Variants in KMT2E observed in about 807,000 individuals in gnomAD.
KMT2E encodes the protein lysine methyltransferase 2E (inactive).
Under a neutral mutation model 184.6 loss-of-function variants are expected in KMT2E, and 30 were observed. The observed-to-expected ratio is 0.16, with a 90% CI of 0.12 to 0.22. The LOEUF (loss-of-function observed/expected upper bound fraction) is 0.22, where lower values mean the gene tolerates loss of function less well. Ranked by LOEUF, KMT2E falls within the 10% of genes least tolerant of loss-of-function variation. KMT2E has a pLI of 1.00. For missense variants in KMT2E, 2,023 were observed against 2,237.4 expected, an observed-to-expected ratio of 0.90 and a Z score of 1.93; for synonymous variants, 815 against 776.5, an observed-to-expected ratio of 1.05 and a Z score of -0.82.
chr7:105,015,540 A>T (rs751881263), intron 1 of KMT2E, among the ~76,000 whole-genome samples: 12 of 152,224 alleles, frequency 7.9e-5, no homozygotes, highest in Admixed American at 2.0e-4. Flanking sequence ...GAGAGAATTA[A>T]GTGAGGTGCA....
intron 17 of KMT2E, chr7:105,105,200 A>G: frequency 2.8e-6 from 1 of 356,508 alleles, no homozygotes; most frequent in East Asian, 5.0e-5. Flanking sequence ...TGTAATATAA[A>G]TATTTAAAAA....
At chr7:105,059,713 A>G (rs180739729) in intron 3 of KMT2E, among the ~76,000 whole-genome samples, 3 of 152,288 alleles carry the variant, frequency 2.0e-5, no homozygotes, top group South Asian at 2.1e-4. Context: ...ATGAATACAT[A>G]TATTTTCGGA....
chr7:105,020,107 CAAA>C (rs779473152), intron 1 of KMT2E, among the ~76,000 whole-genome samples: 8 of 63,384 alleles, frequency 1.3e-4, no homozygotes, highest in South Asian at 5.0e-4. Flanking sequence ...GACTCTGTCT[CAAA>C]AAAAAAAAAA....
Position 105,051,103 on chromosome 7 carries a change from TC to T in KMT2E, c.71+10081del, listed in dbSNP as rs890654633. 1.1e-4 allele frequency among the ~76,000 whole-genome samples: 17 copies of T among 151,184 alleles called. No homozygotes were observed. In the South Asian group the frequency reaches 1.5e-3, roughly 13 times the overall value. ...CTTCTTTCTTTCTTTTTTCTCTCTC[TC>T]TCTCTTTCTTCCTTTCCTCCTTTCC... On this transcript the variant is annotated intron_variant, in intron 3 of 26. Coordinates refer to ENST00000311117, the MANE Select transcript of KMT2E (RefSeq NM_182931.3).
chr7:105,102,253 T>A lies in KMT2E; in HGVS notation c.2196+59T>A, dbSNP rs1798687092. 15 of 1,440,206 alleles carry A rather than the reference T, an allele frequency of 1.0e-5. No homozygotes were observed. The South Asian group carries it at 2.0e-4, about 19-fold the overall frequency. 89.2% of individuals were successfully genotyped at this position (1,440,206 alleles called of 1,614,324 possible). A position where few individuals can be genotyped will look rare whatever the true frequency, so the allele number is the denominator to read the frequency against. On this transcript the variant is annotated intron_variant, in intron 17 of 26. Transcript: ENST00000311117. ...TAACAGTTTCTTATATTAATTATAT[T>A]GTTGTTTTAAAAATTGGATTTTTAA... is the stretch of plus-strand genomic sequence containing the variant.
intron 22 of KMT2E, among the ~76,000 whole-genome samples, chr7:105,108,371 A>G (rs1488166354): frequency 6.6e-6 from 1 of 152,204 alleles, no homozygotes; most frequent in African/African-American, 2.4e-5. Context: ...CTAATAGTTA[A>G]TGTATTAAAT....
At position 105,077,065 on chromosome 7, in the gene KMT2E, C is replaced by G. The variant is rs201187955; in HGVS notation, c.871C>G (p.Gln291Glu). The G allele has an allele frequency of 1.7e-5, 28 of 1,613,636 alleles. No homozygotes were observed. The highest frequency in any genetic ancestry group is 1.6e-4 in the Middle Eastern group (1 of 6,084). The change falls in exon 10 of 27, where the codon CAG (glutamine) becomes GAG (glutamate). Residue 291 changes from glutamine (Q) to glutamate (E), a missense_variant. By Grantham distance (29) the Gln-to-Glu change is conservative. Transcript: ENST00000311117. ...MDRYEEANNNQYSEGVQREAQ... is the reference protein window; with the variant it reads ...MDRYEEANNNEYSEGVQREAQ... The stretch of plus-strand genomic sequence containing the variant: ...TCGATATGAAGAAGCAAATAACAAC[C>G]AGTACAGTGAGGGTGTTCAGAGGGA...
chr7:105,066,912 C>T, intron 6 of KMT2E, 105 bp downstream of exon 6: 2 of 854,090 alleles, frequency 2.3e-6, no homozygotes, highest in Admixed American at 3.8e-5. Flanking sequence ...TGAATCACAG[C>T]CGGGCATGGT....
intron 3 of KMT2E, among the ~76,000 whole-genome samples, chr7:105,050,267 C>T (rs1476211927): frequency 6.6e-6 from 1 of 152,018 alleles, no homozygotes; most frequent in Non-Finnish European, 1.5e-5. Context: ...AATAATCATC[C>T]CTTCTCTTTC....
In KMT2E at chr7:105,106,626, A is replaced by T. The variant is rs200234811; in HGVS notation, c.2701A>T (p.Thr901Ser). ...TTCCCCGTATGCTACACCAACTCACACCGATATTACTCCTATGGACCCATC... is the reference window on the plus strand; with the variant it reads ...TTCCCCGTATGCTACACCAACTCACTCCGATATTACTCCTATGGACCCATC... ...TPSPYATPTH[T>S]DITPMDPSFA... The change falls in exon 20 of 27, where the codon ACC becomes TCC. Residue 901 changes from threonine (T) to serine (S), a missense_variant. By Grantham distance (58) the Thr-to-Ser change is moderately conservative. Transcript: ENST00000311117. 1.3e-4 allele frequency: 210 copies of T among 1,613,926 alleles called. No individual in the cohort carries two copies. The highest frequency in any genetic ancestry group is 1.7e-4 in the Non-Finnish European group (205 of 1,179,958).
intron 12 of KMT2E, among the ~76,000 whole-genome samples, chr7:105,080,258 A>T (rs1016018093): frequency 1.3e-5 from 2 of 152,196 alleles, no homozygotes; most frequent in Non-Finnish European, 2.9e-5. Context: ...TGTATGTTCT[A>T]CTGTAAAATT....
At chr7:105,017,640 T>G (rs376234303) in intron 1 of KMT2E, among the ~76,000 whole-genome samples, 1 of 152,192 alleles carries the variant, frequency 6.6e-6, no homozygotes, top group Non-Finnish European at 1.5e-5. Context: ...CAGAGAGTTT[T>G]GAAAGAATTT....
intron 9 of KMT2E, 122 bp downstream of exon 9, chr7:105,076,203 T>C: frequency 1.5e-6 from 1 of 679,788 alleles, no homozygotes; most frequent in South Asian, 1.9e-5. Flanking sequence ...GCCTATTATC[T>C]TTACCAGGAG....
chr7:105,064,091 A>G (rs1225234813), intron 5 of KMT2E: 1 of 425,598 alleles, frequency 2.3e-6, no homozygotes, highest in Non-Finnish European at 4.7e-6. Flanking sequence ...TTCAGCCACC[A>G]AGAAAGGCCT....
intron 1 of KMT2E, among the ~76,000 whole-genome samples, chr7:105,030,236 T>C (rs1182703464): frequency 3.3e-5 from 5 of 152,208 alleles, no homozygotes; most frequent in African/African-American, 1.2e-4. Context: ...AGTCAAATTG[T>C]TATTTACAGG....
At chr7:105,036,323 C>T (rs1795657196) in intron 1 of KMT2E, among the ~76,000 whole-genome samples, 1 of 151,886 alleles carries the variant, frequency 6.6e-6, no homozygotes, top group African/African-American at 2.4e-5. Flanking sequence ...CAGGTGTATC[C>T]ACACCCAGCT....
intron 3 of KMT2E, among the ~76,000 whole-genome samples, chr7:105,043,667 A>G (rs908983373): frequency 3.9e-5 from 6 of 152,242 alleles, no homozygotes; most frequent in Non-Finnish European, 7.3e-5. Context: ...TTCCAGAAAA[A>G]TGTGGCAATA....
intron 3 of KMT2E, among the ~76,000 whole-genome samples, chr7:105,044,363 G>A (rs979642356): frequency 5.3e-5 from 8 of 152,160 alleles, no homozygotes; most frequent in African/African-American, 7.2e-5. Context: ...TGGGAAAAAT[G>A]CTAAACCAAT....
At chr7:105,084,765 A>G (rs1012483757) in intron 13 of KMT2E, among the ~76,000 whole-genome samples, 1 of 152,216 alleles carries the variant, frequency 6.6e-6, no homozygotes, top group Non-Finnish European at 1.5e-5. Flanking sequence ...GGCATTTTAC[A>G]TAGACACTCC....
Sources: gnomAD v4.1 joint callset for allele counts (sites outside exome capture counted in the v4.1 genomes callset) on GRCh38, gnomAD v4.1.1 for gene constraint, MANE v1.5 for transcripts, NCBI Gene and HGNC (gene_info 2026-07-23, HGNC 2026-07-21) for gene names.